Variants in PARP11 observed in about 807,000 individuals in gnomAD.
The protein encoded by PARP11 is poly(ADP-ribose) polymerase family member 11.
A neutral mutation model predicts 42.9 loss-of-function variants in PARP11; 31 were observed. The observed-to-expected ratio is 0.72, with a 90% CI of 0.54 to 0.98. PARP11 has a LOEUF of 0.98. PARP11 is among the 50% of genes least tolerant of loss of function. The probability of loss-of-function intolerance (pLI) is 0.00; values close to 1 mark genes in which losing one functional copy is unlikely to be tolerated. For synonymous variants in PARP11, 137 were observed against 127.3 expected (o/e 1.08, Z -0.51); for missense variants, 365 against 413.1 (o/e 0.88, Z 1.01).
At chr12:3,865,510 T>C (rs977213740) in intron 1 of PARP11, among the ~76,000 whole-genome samples, 2 of 152,150 alleles carry the variant, frequency 1.3e-5, no homozygotes, top group African/African-American at 4.8e-5. Context: ...ATTCTATTAA[T>C]TTTGTTTCAT....
chr12:3,849,479 G>A (rs538579390), intron 1 of PARP11, among the ~76,000 whole-genome samples: 1 of 152,248 alleles, frequency 6.6e-6, no homozygotes, highest in South Asian at 2.1e-4. Context: ...CTGTAAAAAA[G>A]AATGGAGTCA....
chr12:3,819,411 G>C (rs946279217), intron 6 of PARP11, among the ~76,000 whole-genome samples: 1 of 152,042 alleles, frequency 6.6e-6, no homozygotes, highest in African/African-American at 2.4e-5. Flanking sequence ...GTTGTGAAAG[G>C]CTTCTTCTTT....
At chr12:3,816,061 G>A (rs888230438) in intron 6 of PARP11, among the ~76,000 whole-genome samples, 41 of 152,206 alleles carry the variant, frequency 2.7e-4, no homozygotes, top group African/African-American at 6.8e-4. Flanking sequence ...TCAGAAGGTC[G>A]TGCATTTAGC....
chr12:3,813,276 T>C (rs1457499556), intron 7 of PARP11, among the ~76,000 whole-genome samples: 2 of 152,240 alleles, frequency 1.3e-5, no homozygotes, highest in Admixed American at 6.5e-5. Flanking sequence ...GGGATAACAA[T>C]TCAGTAATAT....
At position 3,829,941 on chromosome 12, in the gene PARP11, G is replaced by A. The variant is rs769208780; in HGVS notation, c.96C>T (p.Thr32=). Residue 32 remains threonine (T), a synonymous_variant, in exon 2 of 8, where the codon ACC becomes ACT. Coordinates refer to ENST00000228820, the MANE Select transcript of PARP11 (RefSeq NM_020367.6). The part of the protein sequence containing the change: ...NEVDDMDTSD[T]QWGWFYLAEC... ...CTGCCAAGTAAAACCAGCCCCACTG[G>A]GTATCTGACGTGTCCATGTCATCCA... The A allele has an allele frequency of 1.8e-5, 29 of 1,613,620 alleles. No individual in the cohort carries two copies. The highest frequency in any genetic ancestry group is 2.3e-5 in the Non-Finnish European group (27 of 1,179,652).
chr12:3,859,028 T>G (rs1591536652), intron 1 of PARP11, among the ~76,000 whole-genome samples: 2 of 132,916 alleles, frequency 1.5e-5, no homozygotes, highest in African/African-American at 2.8e-5. Context: ...ACCCAGGAGG[T>G]GGGGGGTCAC....
chr12:3,869,069 T>C (rs971706257), intron 1 of PARP11, among the ~76,000 whole-genome samples: 6 of 152,218 alleles, frequency 3.9e-5, no homozygotes, highest in African/African-American at 1.4e-4. Context: ...GTCAGCCATG[T>C]TGTATCTCTT....
intron 1 of PARP11, among the ~76,000 whole-genome samples, chr12:3,859,559 T>TAA (rs59321607): frequency 1.2e-4 from 13 of 112,470 alleles, no homozygotes; most frequent in African/African-American, 3.4e-4. Context: ...GAGACTCTGC[T>TAA]AAAAAAAAAA....
chr12:3,863,537 C>A, intron 1 of PARP11, among the ~76,000 whole-genome samples: 1 of 152,204 alleles, frequency 6.6e-6, no homozygotes, highest in East Asian at 1.9e-4. Flanking sequence ...TTGATGATTT[C>A]CTAGGACTCA....
At chr12:3,834,184 G>GA (rs557592182) in intron 1 of PARP11, among the ~76,000 whole-genome samples, 1 of 152,224 alleles carries the variant, frequency 6.6e-6, no homozygotes, top group South Asian at 2.1e-4. Flanking sequence ...TTACTCTGGG[G>GA]AAAAAAGACT....
chr12:3,836,071 G>T (rs1947755416), intron 1 of PARP11, among the ~76,000 whole-genome samples: 1 of 151,648 alleles, frequency 6.6e-6, no homozygotes, highest in African/African-American at 2.4e-5. Context: ...ACATATATAT[G>T]TGTGTGTATA....
At chr12:3,832,120 C>T (rs773776926) in intron 1 of PARP11, 1 of 979,958 alleles carries the variant, frequency 1.0e-6, no homozygotes, top group Non-Finnish European at 1.2e-6. Flanking sequence ...TTACCTAAGA[C>T]TTCGCTTTAG....
rs1347391806 is a variant in PARP11, at chr12:3,873,398, C to A, written c.-169G>T. ...CCTGTCACAAGCCAGCGTTTACAGA[C>A]CACCCAACCTCCCGACTTCCGCCCG... On this transcript the variant is annotated 5_prime_UTR_variant, in exon 1 of 8. Transcript: ENST00000228820. 4 of 656,188 alleles carry A rather than the reference C, an allele frequency of 6.1e-6. No homozygotes were observed. Among genetic ancestry groups the A allele is most frequent in the Non-Finnish European group, 8.2e-6 (3 of 365,918 alleles). 40.6% of individuals were successfully genotyped at this position (656,188 alleles called of 1,614,324 possible).
intron 1 of PARP11, chr12:3,842,098 T>A: frequency 1.2e-6 from 2 of 1,609,790 alleles, no homozygotes; most frequent in Non-Finnish European, 1.7e-6. Flanking sequence ...AGAGAAATTG[T>A]GCCTGTTGAA....
intron 1 of PARP11, among the ~76,000 whole-genome samples, chr12:3,838,494 A>C (rs1292711474): frequency 6.6e-6 from 1 of 152,204 alleles, no homozygotes; most frequent in Non-Finnish European, 1.5e-5. Context: ...CTGTATCAAA[A>C]AAGTACACTT....
At position 3,855,588 on chromosome 12, in the gene PARP11, A is replaced by G. The variant is rs1002753435; in HGVS notation, c.18+17624T>C. Among the ~76,000 whole-genome samples, 3 of 152,256 alleles carry G rather than the reference A, an allele frequency of 2.0e-5. No individual in the cohort carries two copies. In the East Asian group the frequency reaches 5.8e-4, roughly 29 times the overall value. On this transcript the variant is annotated intron_variant, in intron 1 of 7. Coordinates refer to ENST00000228820, the MANE Select transcript of PARP11 (RefSeq NM_020367.6). ...TACAAGGGATGTGAAGGACCTCTTC[A>G]AGGAGAACTACAAAGCACTGCTCAA...
chr12:3,870,476 T>C (rs760193858), intron 1 of PARP11, among the ~76,000 whole-genome samples: 2 of 152,234 alleles, frequency 1.3e-5, no homozygotes, highest in African/African-American at 2.4e-5. Flanking sequence ...AAATCAAGTA[T>C]ATAAGACATT....
rs562970612 is a variant in PARP11, at chr12:3,811,364, T to G, written c.*759A>C. 1.1e-4 allele frequency: 16 copies of G among 152,346 alleles called. No individual in the cohort carries two copies. Among genetic ancestry groups the G allele is most frequent in the African/African-American group, 3.6e-4 (15 of 41,574 alleles). The allele number at this position is 152,346 out of a possible 1,614,324, so 9.4% of individuals were successfully genotyped here. On this transcript the variant is annotated 3_prime_UTR_variant, in exon 8 of 8. Transcript: ENST00000228820. Reference sequence around the variant, plus strand: ...TCACTTTGAAGATGCAATAAACACCTTGCACAGCAAGTCGTGGTGTAAGAA... The same window carrying G: ...TCACTTTGAAGATGCAATAAACACCGTGCACAGCAAGTCGTGGTGTAAGAA...
chr12:3,844,791 C>T lies in PARP11; in HGVS notation c.19-14773G>A, dbSNP rs372254685. On this transcript the variant is annotated intron_variant, in intron 1 of 7. Transcript: ENST00000228820. ...GTGACCTCCGGAATAAAAGAACTGA[C>T]TTTTGATAGTTTTAAAATTAATCTT... 2.0e-4 allele frequency among the ~76,000 whole-genome samples: 31 copies of T among 152,262 alleles called. 1 individual carries two copies. The East Asian group carries it at 6.0e-3, about 29-fold the overall frequency.
Sources: allele counts gnomAD v4.1 joint callset (sites outside exome capture counted in the v4.1 genomes callset), GRCh38; gene constraint gnomAD v4.1.1; transcripts MANE v1.5; gene names NCBI Gene and HGNC (gene_info 2026-07-23, HGNC 2026-07-21).